Variants in WBP4 observed in about 807,000 individuals in gnomAD.
WBP4 encodes WW domain-binding protein 4.
WBP4 carries 37 observed loss-of-function variants against 55.4 expected under a neutral mutation model. The observed-to-expected ratio is 0.67, with a 90% CI of 0.51 to 0.88. The LOEUF (loss-of-function observed/expected upper bound fraction) is 0.88. WBP4 is among the 40% of genes least tolerant of loss of function. WBP4 has a pLI of 0.00. For missense variants in WBP4, 398 were observed against 420.8 expected (o/e 0.95, Z 0.47); for synonymous variants, 142 against 140.2 (o/e 1.01, Z -0.09).
At chr13:41,067,016 G>T (rs73176955) in intron 4 of WBP4, among the ~76,000 whole-genome samples, 1 of 152,120 alleles carries the variant, frequency 6.6e-6, no homozygotes, top group African/African-American at 2.4e-5. Flanking sequence ...TTGAAGACAG[G>T]TCTCGCTCTG....
At chr13:41,065,142 C>G (rs1184191469) in intron 3 of WBP4, 22 bp from the exon 4 acceptor site, 2 of 1,603,618 alleles carry the variant, frequency 1.2e-6, no homozygotes, top group Non-Finnish European at 1.7e-6. Flanking sequence ...CTCACTTTCA[C>G]TGTTATGTAT....
intron 4 of WBP4, among the ~76,000 whole-genome samples, chr13:41,067,193 A>G (rs1878011368): frequency 6.6e-6 from 1 of 152,074 alleles, no homozygotes; most frequent in Non-Finnish European, 1.5e-5. Flanking sequence ...GCCTCAAGCA[A>G]TCCACCTGCC....
At chr13:41,079,843 A>T (rs1040265164) in intron 8 of WBP4, among the ~76,000 whole-genome samples, 1 of 152,160 alleles carries the variant, frequency 6.6e-6, no homozygotes, top group Non-Finnish European at 1.5e-5. Context: ...GGATAAAAAA[A>T]ATGCGGTATA....
At chr13:41,065,370 C>T in intron 4 of WBP4, 83 bp downstream of exon 4, 1 of 1,462,992 alleles carries the variant, frequency 6.8e-7, no homozygotes, top group Non-Finnish European at 9.0e-7. Flanking sequence ...TTGATTGCTT[C>T]CATAAAGAGG....
intron 8 of WBP4, among the ~76,000 whole-genome samples, chr13:41,079,541 C>CAAAA (rs35433682): frequency 3.8e-4 from 39 of 101,628 alleles, no homozygotes; most frequent in Non-Finnish European, 5.3e-4. Flanking sequence ...GACTCCGTCT[C>CAAAA]AAAAAAAAAA....
intron 1 of WBP4, chr13:41,062,096 GTTTTTTTT>G (rs60658317): frequency 6.7e-5 from 54 of 805,552 alleles, no homozygotes; most frequent in South Asian, 1.9e-4. Context: ...TAGCGTAATG[GTTTTTTTT>G]TTTTTTTTTT....
chr13:41,082,966 A>C lies in WBP4; in HGVS notation c.*52A>C, dbSNP rs1878850463. 2 of 1,530,300 alleles carry C rather than the reference A, an allele frequency of 1.3e-6. No individual in the cohort carries two copies. The highest frequency in any genetic ancestry group is 4.6e-5 in the East Asian group (2 of 43,838). The allele number at this position is 1,530,300 out of a possible 1,614,324, so 94.8% of individuals were successfully genotyped here. On this transcript the variant is annotated 3_prime_UTR_variant, in exon 10 of 10. Coordinates refer to ENST00000379487, the MANE Select transcript of WBP4 (RefSeq NM_007187.5). ...TTTAGGACAGAATGGAGACTTATAC[A>C]CCCAAAGTTTATCTGTGTTTGTTTG... is the stretch of plus-strand genomic sequence containing the variant.
intron 2 of WBP4, among the ~76,000 whole-genome samples, chr13:41,063,178 T>C (rs1174060672): frequency 2.0e-5 from 3 of 152,206 alleles, no homozygotes; most frequent in African/African-American, 7.2e-5. Flanking sequence ...TCCTTTCTCA[T>C]GAAACAAAGT....
chr13:41,065,181 G>C lies in WBP4; in HGVS notation c.156G>C (p.Leu52=). ...KRISEIKQKS[L]DKAKEEEKAS... ...TTACATAGATTAAACAGAAAAGCCT[G>C]GATAAGGCAAAGGAAGAAGAAAAGG... is the stretch of plus-strand genomic sequence containing the variant. Residue 52 remains leucine (L), a synonymous_variant, in exon 4 of 10, where the codon CTG becomes CTC. Coordinates refer to ENST00000379487, the MANE Select transcript of WBP4 (RefSeq NM_007187.5). 6.2e-7 allele frequency: 1 copy of C among 1,612,036 alleles called. No homozygotes were observed. Among genetic ancestry groups the C allele is most frequent in the Non-Finnish European group, 8.5e-7 (1 of 1,179,284 alleles).
intron 8 of WBP4, among the ~76,000 whole-genome samples, chr13:41,077,444 A>C (rs1226264115): frequency 6.6e-6 from 1 of 152,110 alleles, no homozygotes; most frequent in African/African-American, 2.4e-5. Context: ...GTGAGCTGAG[A>C]TAGTGCCACT....
chr13:41,062,375 A>G (rs1408072290), intron 1 of WBP4: 1 of 855,636 alleles, frequency 1.2e-6, no homozygotes, highest in East Asian at 1.2e-4. Context: ...GTTTTTCATA[A>G]CGATGACGAT....
chr13:41,061,569 A>T lies in WBP4; in HGVS notation c.-105A>T. 1.3e-6 allele frequency: 2 copies of T among 1,558,372 alleles called. No homozygotes were observed. The highest frequency in any genetic ancestry group is 1.8e-6 in the Non-Finnish European group (2 of 1,134,408). The stretch of plus-strand genomic sequence containing the variant: ...TGAGTAAGGTGTCTGGATCGGAGGG[A>T]GGTTCGGGTGGGCATCGGGCGGCTG... On this transcript the variant is annotated 5_prime_UTR_variant, in exon 1 of 10. Coordinates refer to ENST00000379487, the MANE Select transcript of WBP4 (RefSeq NM_007187.5).
intron 8 of WBP4, among the ~76,000 whole-genome samples, chr13:41,077,934 A>G (rs1341829192): frequency 1.3e-5 from 2 of 152,208 alleles, no homozygotes; most frequent in Non-Finnish European, 2.9e-5. Context: ...ACATTTAACC[A>G]AGGAAGTGAA....
rs35695477 is a variant in WBP4 at position 41,076,269 on chromosome 13, ATTTTTTTTTTTT to A, written c.756+49_756+60del. 8.8e-6 allele frequency: 6 copies of A among 678,810 alleles called. No homozygotes were observed. The African/African-American group carries it at 1.4e-4, about 16-fold the overall frequency. The allele number at this position is 678,810 out of a possible 1,614,324, so 42.0% of individuals were successfully genotyped here. A position where few individuals can be genotyped will look rare whatever the true frequency, so the allele number is the denominator to read the frequency against. On this transcript the variant is annotated intron_variant, in intron 8 of 9. Transcript: ENST00000379487. The stretch of plus-strand genomic sequence containing the variant: ...TTTTAAATTTTACTCTTCACATCAA[ATTTTTTTTTTTT>A]TTTTTTTTTTTTTTTTGAGATGGAG...
At chr13:41,065,437 T>C in intron 4 of WBP4, 150 bp downstream of exon 4, 1 of 1,157,518 alleles carries the variant, frequency 8.6e-7, no homozygotes, top group Non-Finnish European at 1.1e-6. Context: ...CTGTTTAGAC[T>C]ATGGAAGTTT....
chr13:41,069,198 G>A (rs1447237850), intron 5 of WBP4, among the ~76,000 whole-genome samples: 1 of 152,122 alleles, frequency 6.6e-6, no homozygotes, highest in African/African-American at 2.4e-5. Flanking sequence ...ATGACATTGT[G>A]TATTTTACTG....
At chr13:41,064,918 AT>A in intron 2 of WBP4, 97 bp from the exon 3 acceptor site, 2 of 1,143,428 alleles carry the variant, frequency 1.7e-6, no homozygotes, top group South Asian at 1.8e-5. Context: ...ATTCATTTTA[AT>A]TTTAATTTTC....
At chr13:41,061,726 C>T (rs1877651398) in intron 1 of WBP4, 51 bp downstream of exon 1, 1 of 1,611,760 alleles carries the variant, frequency 6.2e-7, no homozygotes, top group African/African-American at 1.3e-5. Context: ...CTCTGGGCCG[C>T]CCTTTCTCGC....
At chr13:41,062,614 G>T in intron 1 of WBP4, 30 bp from the exon 2 acceptor site, 1 of 1,595,624 alleles carries the variant, frequency 6.3e-7, no homozygotes, top group South Asian at 1.1e-5. Context: ...AGTTTTACAT[G>T]AGCTTAGCCT....
Sources: allele counts gnomAD v4.1 joint callset (sites outside exome capture counted in the v4.1 genomes callset), GRCh38; gene constraint gnomAD v4.1.1; transcripts MANE v1.5; gene names NCBI Gene and HGNC (gene_info 2026-07-23, HGNC 2026-07-21).